Variants in RHOBTB1 observed in about 807,000 individuals in gnomAD.
RHOBTB1 encodes the protein rho-related BTB domain-containing protein 1.
Under a neutral mutation model 71.6 loss-of-function variants are expected in RHOBTB1, and 40 were observed. The observed-to-expected ratio is 0.56, with a 90% CI of 0.43 to 0.73. The LOEUF (loss-of-function observed/expected upper bound fraction) is 0.73, where lower values mean the gene tolerates loss of function less well. Ranked by LOEUF, RHOBTB1 falls within the 30% of genes least tolerant of loss-of-function variation. The pLI is 0.00. For synonymous variants in RHOBTB1, 319 were observed against 334.9 expected (o/e 0.95, Z 0.52); for missense variants, 797 against 894.0 (o/e 0.89, Z 1.38).
chr10:60,899,152 C>G (rs952395356), intron 4 of RHOBTB1, among the ~76,000 whole-genome samples: 4 of 152,206 alleles, frequency 2.6e-5, no homozygotes, highest in African/African-American at 9.7e-5. Flanking sequence ...ATTCTTACAC[C>G]TCACATAATC....
chr10:60,953,288 C>A (rs573797355), intron 2 of RHOBTB1, among the ~76,000 whole-genome samples: 1 of 152,288 alleles, frequency 6.6e-6, no homozygotes, highest in African/African-American at 2.4e-5. Context: ...ATAAGCTATA[C>A]ATACAAGACC....
At position 60,891,408 on chromosome 10, in the gene RHOBTB1, A is replaced by G. The variant is rs374635367; in HGVS notation, c.482+1402T>C. ...TAGGCTGGAGTGAAGTGGTGCAATC[A>G]TGGCCCACTGCAGCCTTGTCCTCCC... On this transcript the variant is annotated intron_variant, in intron 5 of 10. Coordinates refer to ENST00000337910, the MANE Select transcript of RHOBTB1 (RefSeq NM_014836.5). Among the ~76,000 whole-genome samples, 162 of 140,654 alleles carry G rather than the reference A, an allele frequency of 1.2e-3. 5 individuals are homozygous for G. The South Asian group carries it at 0.034, about 30-fold the overall frequency. The allele number at this position is 140,654 out of a possible 152,430, so 92.3% of individuals were successfully genotyped here. A position where few individuals can be genotyped will look rare whatever the true frequency, so the allele number is the denominator to read the frequency against.
intron 2 of RHOBTB1, chr10:60,912,939 G>A (rs186026333): frequency 6.6e-6 from 1 of 152,334 alleles, no homozygotes; most frequent in East Asian, 1.9e-4. Context: ...GAAGTCCATT[G>A]TTAAACTGAG....
intron 4 of RHOBTB1, among the ~76,000 whole-genome samples, chr10:60,900,587 C>T (rs187659182): frequency 1.6e-4 from 25 of 152,262 alleles, no homozygotes; most frequent in Admixed American, 1.6e-3. Context: ...ATTTCTCTCT[C>T]ATTGTGCGCA....
intron 1 of RHOBTB1, among the ~76,000 whole-genome samples, chr10:61,001,062 G>A (rs2087248115): frequency 6.6e-6 from 1 of 151,850 alleles, no homozygotes; most frequent in South Asian, 2.1e-4. Context: ...GTGTGTGTGA[G>A]TGCGCGCGCG....
chr10:60,942,764 AG>A (rs1403803903), intron 1 of RHOBTB1, among the ~76,000 whole-genome samples: 1 of 152,258 alleles, frequency 6.6e-6, no homozygotes, highest in East Asian at 1.9e-4. Flanking sequence ...AAAAGGTCTA[AG>A]CCTTGCTAAG....
At chr10:60,959,863 AG>A (rs2085719461) in intron 2 of RHOBTB1, among the ~76,000 whole-genome samples, 1 of 152,196 alleles carries the variant, frequency 6.6e-6, no homozygotes, top group African/African-American at 2.4e-5. Context: ...GAAACCTCAA[AG>A]TGTTTCTTTG....
In RHOBTB1 at chr10:61,000,350, A is replaced by G. The variant is rs1053141898; in HGVS notation, c.-163+1049T>C. Among the ~76,000 whole-genome samples the G allele has an allele frequency of 3.3e-5, 5 of 152,274 alleles. No individual in the cohort carries two copies. In the East Asian group the frequency reaches 5.8e-4, roughly 18 times the overall value. On this transcript the variant is annotated intron_variant, in intron 1 of 11. Transcript: ENST00000357917. ...AGTTGCACACACTGAAACACTAGTA[A>G]TAAAAAATATATATTTTGGGTTTTT...
chr10:60,882,853 C>T (rs910403586), intron 7 of RHOBTB1, among the ~76,000 whole-genome samples: 1 of 152,076 alleles, frequency 6.6e-6, no homozygotes, highest in Non-Finnish European at 1.5e-5. Flanking sequence ...TACCCTTAAC[C>T]CCGTATGGAA....
At chr10:60,863,784 C>T in the RHOBTB1 span, among the ~76,000 whole-genome samples, 2 of 152,278 alleles carry the variant, frequency 1.3e-5, no homozygotes, top group Admixed American at 6.5e-5. Context: ...CCGCCCACCT[C>T]GGCCTCCCAA....
At chr10:60,970,141 G>A (rs982273199) in intron 2 of RHOBTB1, among the ~76,000 whole-genome samples, 6 of 152,124 alleles carry the variant, frequency 3.9e-5, no homozygotes, top group African/African-American at 1.4e-4. Flanking sequence ...ATGTCATAGT[G>A]ATCACTGATT....
chr10:60,922,729 C>T (rs1336025108), intron 2 of RHOBTB1, among the ~76,000 whole-genome samples: 2 of 152,192 alleles, frequency 1.3e-5, no homozygotes, highest in African/African-American at 4.8e-5. Context: ...AGTGAGCTTG[C>T]TGACCATCCC....
At chr10:60,936,273 G>A (rs1051446675) in intron 2 of RHOBTB1, among the ~76,000 whole-genome samples, 4 of 152,150 alleles carry the variant, frequency 2.6e-5, no homozygotes. Flanking sequence ...TTGGCCTATG[G>A]ATAGAAGAGT....
At chr10:60,910,523 G>T (rs1040675439) in intron 4 of RHOBTB1, among the ~76,000 whole-genome samples, 2 of 152,146 alleles carry the variant, frequency 1.3e-5, no homozygotes, top group African/African-American at 4.8e-5. Flanking sequence ...TTCTGAAGTA[G>T]GGTGACCAAG....
chr10:60,958,025 A>G (rs2085653738), intron 2 of RHOBTB1, among the ~76,000 whole-genome samples: 1 of 152,186 alleles, frequency 6.6e-6, no homozygotes, highest in African/African-American at 2.4e-5. Context: ...GCCAGAACAG[A>G]TACAGACCCC....
chr10:60,991,688 C>A (rs1450391547), intron 1 of RHOBTB1, among the ~76,000 whole-genome samples: 1 of 152,096 alleles, frequency 6.6e-6, no homozygotes, highest in African/African-American at 2.4e-5. Context: ...GCCTCAGCCT[C>A]CCAAAGTGCT....
At chr10:60,862,438 T>C in the RHOBTB1 span, among the ~76,000 whole-genome samples, 1 of 150,290 alleles carries the variant, frequency 6.7e-6, no homozygotes, top group Non-Finnish European at 1.5e-5. Flanking sequence ...CCTCAGGTGA[T>C]CCGCCTACCT....
chr10:60,933,555 A>C (rs952959524), intron 2 of RHOBTB1, among the ~76,000 whole-genome samples: 11 of 152,162 alleles, frequency 7.2e-5, no homozygotes, highest in African/African-American at 2.7e-4. Context: ...CTTAGTCTCT[A>C]CTAAAAATAT....
rs1302298227 is a variant in RHOBTB1 at position 60,939,566 on chromosome 10, C to T, written c.-11+2238G>A. Among the ~76,000 whole-genome samples the T allele has an allele frequency of 2.6e-5, 4 of 152,096 alleles. No homozygotes were observed. The East Asian group carries it at 7.7e-4, about 29-fold the overall frequency. ...CACACACTTTTTGGAACTCATTTTT[C>T]CCTCCCTCTCCAAGTTTTGTTTTGG... On this transcript the variant is annotated intron_variant, in intron 2 of 10. Coordinates refer to ENST00000337910, the MANE Select transcript of RHOBTB1 (RefSeq NM_014836.5).
Sources: allele counts gnomAD v4.1 joint callset (sites outside exome capture counted in the v4.1 genomes callset), GRCh38; gene constraint gnomAD v4.1.1; transcripts MANE v1.5; gene names NCBI Gene and HGNC (gene_info 2026-07-23, HGNC 2026-07-21).